KCNN2: variants seen among roughly 807,000 people sequenced by gnomAD.
The protein encoded by KCNN2 is potassium calcium-activated channel subfamily N member 2, also known as small conductance calcium-activated potassium channel protein 2.
Under a neutral mutation model 55.5 loss-of-function variants are expected in KCNN2, and 24 were observed. The ratio of observed to expected loss-of-function variants is 0.43; its 90% confidence interval spans 0.31 to 0.61. The LOEUF (loss-of-function observed/expected upper bound fraction) is 0.61. Ranked by LOEUF, KCNN2 falls within the 20% of genes least tolerant of loss-of-function variation. The probability of loss-of-function intolerance (pLI) is 0.08; values close to 1 mark genes in which losing one functional copy is unlikely to be tolerated. For synonymous variants in KCNN2, 431 were observed against 336.1 expected (o/e 1.28, Z -3.09); for missense variants, 754 against 853.6 (o/e 0.88, Z 1.45).
intron 3 of KCNN2, among the ~76,000 whole-genome samples, chr5:114,447,893 T>C (rs1337672459): frequency 3.3e-5 from 5 of 152,182 alleles, no homozygotes; most frequent in South Asian, 4.1e-4. Flanking sequence ...ATTCCAAAAA[T>C]ACTAATATTT....
intron 1 of KCNN2, among the ~76,000 whole-genome samples, chr5:114,194,643 G>C (rs1328140175): frequency 6.6e-6 from 1 of 151,966 alleles, no homozygotes; most frequent in Non-Finnish European, 1.5e-5. Context: ...CTTCTATTCA[G>C]TAGATTGTCT....
intron 2 of KCNN2, among the ~76,000 whole-genome samples, chr5:114,398,060 T>A (rs943509450): frequency 6.6e-6 from 1 of 152,228 alleles, no homozygotes; most frequent in Non-Finnish European, 1.5e-5. Flanking sequence ...ATTTTTGTTT[T>A]TGTTGCAATT....
At chr5:114,368,870 AT>A in intron 2 of KCNN2, among the ~76,000 whole-genome samples, 1 of 150,642 alleles carries the variant, frequency 6.6e-6, no homozygotes, top group African/African-American at 2.4e-5. Flanking sequence ...GACCTATTTC[AT>A]TTTTTTTTAG....
chr5:114,295,371 T>C (rs1314543501), intron 2 of KCNN2, among the ~76,000 whole-genome samples: 2 of 152,324 alleles, frequency 1.3e-5, no homozygotes, highest in East Asian at 3.9e-4. Flanking sequence ...GCTTCCAGGC[T>C]GCTTTGTTTA....
chr5:114,312,428 C>CATATAT (rs1756417704), intron 2 of KCNN2, among the ~76,000 whole-genome samples: 2 of 22,214 alleles, frequency 9.0e-5, no homozygotes, highest in African/African-American at 2.9e-4. Context: ...CACACACACA[C>CATATAT]ACACACATAT....
chr5:114,467,212 T>C (rs1761493056), intron 4 of KCNN2, among the ~76,000 whole-genome samples: 1 of 152,150 alleles, frequency 6.6e-6, no homozygotes, highest in Admixed American at 6.5e-5. Context: ...CAGCACGAAT[T>C]AGCTAGAGCT....
At chr5:114,423,458 A>G (rs1382311956) in intron 3 of KCNN2, among the ~76,000 whole-genome samples, 1 of 152,184 alleles carries the variant, frequency 6.6e-6, no homozygotes, top group African/African-American at 2.4e-5. Flanking sequence ...TTGCATTGCA[A>G]TCAGTAAGTT....
chr5:114,125,906 T>C (rs755531780), intron 1 of KCNN2, among the ~76,000 whole-genome samples: 5 of 152,150 alleles, frequency 3.3e-5, no homozygotes, highest in Non-Finnish European at 7.4e-5. Flanking sequence ...AAAGGCCCTA[T>C]CTCCAAACAG....
At chr5:114,466,694 A>AT (rs570638113) in intron 4 of KCNN2, among the ~76,000 whole-genome samples, 3 of 151,956 alleles carry the variant, frequency 2.0e-5, no homozygotes, top group South Asian at 2.1e-4. Context: ...GGATGACTGG[A>AT]TTTTTTGGTT....
chr5:114,210,137 T>G (rs1753853441), intron 1 of KCNN2, among the ~76,000 whole-genome samples: 1 of 152,172 alleles, frequency 6.6e-6, no homozygotes, highest in Admixed American at 6.5e-5. Flanking sequence ...TTGTTGGTGA[T>G]TTTGCTGTCT....
chr5:114,108,386 T>A (rs1295410633), intron 1 of KCNN2, among the ~76,000 whole-genome samples: 1 of 152,130 alleles, frequency 6.6e-6, no homozygotes, highest in Non-Finnish European at 1.5e-5. Context: ...AGTCTTTTTT[T>A]AATTGAGGCA....
At chr5:114,450,914 A>G (rs959233645) in intron 3 of KCNN2, among the ~76,000 whole-genome samples, 10 of 152,386 alleles carry the variant, frequency 6.6e-5, no homozygotes, top group Non-Finnish European at 1.2e-4. Flanking sequence ...ACCTAAATTC[A>G]TTTTAAATAA....
intron 2 of KCNN2, among the ~76,000 whole-genome samples, chr5:114,393,527 A>G (rs1264833023): frequency 6.6e-6 from 1 of 152,052 alleles, no homozygotes; most frequent in African/African-American, 2.4e-5. Context: ...TTTTAACCAT[A>G]AAAACTGCTT....
chr5:114,076,814 C>T (rs1750692992), intron 1 of KCNN2, among the ~76,000 whole-genome samples: 1 of 152,168 alleles, frequency 6.6e-6, no homozygotes, highest in Non-Finnish European at 1.5e-5. Context: ...CTGCCTCAGC[C>T]TCCTAAGTAG....
chr5:114,492,765 G>C (rs1484086864), intron 6 of KCNN2, among the ~76,000 whole-genome samples: 3 of 151,986 alleles, frequency 2.0e-5, no homozygotes, highest in Non-Finnish European at 2.9e-5. Flanking sequence ...ATTTTTCCTA[G>C]GAAATGGTCT....
chr5:114,130,076 T>C (rs1752040152), intron 1 of KCNN2, among the ~76,000 whole-genome samples: 1 of 152,214 alleles, frequency 6.6e-6, no homozygotes. Flanking sequence ...ATCACCTTCC[T>C]CCCTAGTATA....
chr5:114,369,867 C>G (rs901801696), intron 2 of KCNN2, among the ~76,000 whole-genome samples: 4 of 152,032 alleles, frequency 2.6e-5, no homozygotes, highest in Non-Finnish European at 5.9e-5. Context: ...CAACCTGTTT[C>G]TGGGCCATGT....
At chr5:114,207,742 G>A (rs1429475741) in intron 1 of KCNN2, among the ~76,000 whole-genome samples, 2 of 152,140 alleles carry the variant, frequency 1.3e-5, no homozygotes, top group Non-Finnish European at 2.9e-5. Context: ...GCAGTTTTAG[G>A]AAAGAAAACA....
chr5:114,300,914 A>G (rs1385765346), intron 2 of KCNN2, among the ~76,000 whole-genome samples: 1 of 152,164 alleles, frequency 6.6e-6, no homozygotes, highest in Admixed American at 6.5e-5. Flanking sequence ...GCCTCTCAAA[A>G]TGGGGGATCA....
Sources: gnomAD v4.1 joint callset for allele counts (sites outside exome capture counted in the v4.1 genomes callset) on GRCh38, gnomAD v4.1.1 for gene constraint, MANE v1.5 for transcripts, NCBI Gene and HGNC (gene_info 2026-07-23, HGNC 2026-07-21) for gene names.